ARHGEF7: variants seen among roughly 807,000 people sequenced by gnomAD.
ARHGEF7 encodes the protein Rho guanine nucleotide exchange factor 7.
In ARHGEF7, 33 loss-of-function variants were observed where a neutral mutation model predicts 109.8. That is an observed-to-expected ratio of 0.30 (90% confidence interval 0.23 to 0.40). The LOEUF (loss-of-function observed/expected upper bound fraction) is 0.40, where lower values mean the gene tolerates loss of function less well. ARHGEF7 is among the 10% of genes least tolerant of loss of function. The pLI is 1.00. For synonymous variants in ARHGEF7, 458 were observed against 424.6 expected, an observed-to-expected ratio of 1.08 and a Z score of -0.97; for missense variants, 938 against 1,098.5, an observed-to-expected ratio of 0.85 and a Z score of 2.07.
intron 8 of ARHGEF7, among the ~76,000 whole-genome samples, chr13:111,263,053 CCTT>C (rs2091272808): frequency 6.6e-6 from 1 of 152,168 alleles, no homozygotes; most frequent in Non-Finnish European, 1.5e-5. Context: ...AACATCCCCT[CCTT>C]TAATTCTGAA....
intron 6 of ARHGEF7, chr13:111,241,110 G>T: frequency 6.7e-7 from 1 of 1,501,778 alleles, no homozygotes; most frequent in East Asian, 2.5e-5. Context: ...GACTGCACTT[G>T]CCTCTCCATG....
intron 1 of ARHGEF7, among the ~76,000 whole-genome samples, chr13:111,141,309 C>T (rs944373347): frequency 3.9e-5 from 6 of 152,090 alleles, no homozygotes; most frequent in Admixed American, 1.3e-4. Context: ...CTAGTCATCC[C>T]TCCCTCAACT....
chr13:111,290,025 C>G (rs1161899755), intron 18 of ARHGEF7, among the ~76,000 whole-genome samples: 2 of 152,164 alleles, frequency 1.3e-5, no homozygotes, highest in African/African-American at 4.8e-5. Context: ...ACAATAACGT[C>G]TAAGTACAAA....
intron 1 of ARHGEF7, among the ~76,000 whole-genome samples, chr13:111,122,438 G>GTT (rs1404193071): frequency 4.7e-4 from 72 of 152,196 alleles, no homozygotes; most frequent in Non-Finnish European, 1.6e-4. Context: ...TAGGGTAGGA[G>GTT]AATTAATCTC....
At chr13:111,200,881 TC>T (rs1182016818) in intron 2 of ARHGEF7, among the ~76,000 whole-genome samples, 2 of 152,230 alleles carry the variant, frequency 1.3e-5, no homozygotes, top group Non-Finnish European at 2.9e-5. Flanking sequence ...AGACTTAATG[TC>T]TGGCTTTTGT....
chr13:111,129,998 G>C (rs1051244618), intron 1 of ARHGEF7, among the ~76,000 whole-genome samples: 2 of 152,182 alleles, frequency 1.3e-5, no homozygotes, highest in Admixed American at 6.5e-5. Flanking sequence ...TTGGTGAATA[G>C]ATAAACAGAT....
chr13:111,242,547 C>T (rs1284246968), intron 6 of ARHGEF7, among the ~76,000 whole-genome samples: 2 of 152,264 alleles, frequency 1.3e-5, no homozygotes, highest in Admixed American at 1.3e-4. Flanking sequence ...GTACTAGATG[C>T]GCAGAAAATA....
Position 111,274,732 on chromosome 13 carries a change from A to T in ARHGEF7, c.1214A>T (p.Asp405Val). Residue 405 changes from aspartate (D) to valine (V), a missense_variant and splice_region_variant, in exon 11 of 22, where the codon GAT becomes GTT. Coordinates refer to ENST00000646102, the MANE Select transcript of ARHGEF7 (RefSeq NM_001354046.2). ...LLKELERHME[D>V]YHTDRQDIQK... ...ATTGTATGTTTCTTTTACTCAAAGG[A>T]TTATCATACAGATAGACAAGATATT... 6.7e-7 allele frequency: 1 copy of T among 1,482,702 alleles called. No individual in the cohort carries two copies. The allele number at this position is 1,482,702 out of a possible 1,614,324, so 91.8% of individuals were successfully genotyped here.
chr13:111,187,087 G>T (rs2079341251), intron 2 of ARHGEF7: 3 of 891,290 alleles, frequency 3.4e-6, no homozygotes, highest in East Asian at 1.2e-4. Context: ...GAGCTGGTCA[G>T]TGTGTCCTTT....
At chr13:111,287,150 T>G (rs989642824) in intron 17 of ARHGEF7, among the ~76,000 whole-genome samples, 2 of 152,222 alleles carry the variant, frequency 1.3e-5, no homozygotes, top group Admixed American at 6.5e-5. Flanking sequence ...TTTCTTGTCC[T>G]TGTCACCTGA....
rs1048530939 is a variant in ARHGEF7 at position 111,303,182 on chromosome 13, G to A, written c.*69G>A. On this transcript the variant is annotated 3_prime_UTR_variant, in exon 22 of 22. Transcript: ENST00000646102. ...AAGCTGGGCACCCCTGACCCAAGTC[G>A]GGGTGCACTCAGGACCACAGGGCAG... 9 of 1,412,240 alleles carry A rather than the reference G, an allele frequency of 6.4e-6. No homozygotes were observed. Among genetic ancestry groups the A allele is most frequent in the Admixed American group, 2.2e-5 (1 of 46,026 alleles). 87.5% of individuals were successfully genotyped at this position (1,412,240 alleles called of 1,614,324 possible).
rs568810663 is a variant in ARHGEF7 at position 111,303,261 on chromosome 13, C to G, written c.*148C>G. On this transcript the variant is annotated 3_prime_UTR_variant, in exon 22 of 22. Coordinates refer to ENST00000646102, the MANE Select transcript of ARHGEF7 (RefSeq NM_001354046.2). ...GTATATAGAAAAGCTGGAGCTTATT[C>G]TGCGAATGGAGACGATCAAACCATG... 1.4e-6 allele frequency: 1 copy of G among 730,272 alleles called. No homozygotes were observed. Among genetic ancestry groups the G allele is most frequent in the Non-Finnish European group, 2.1e-6 (1 of 470,286 alleles). The allele number at this position is 730,272 out of a possible 1,614,324, so 45.2% of individuals were successfully genotyped here.
intron 15 of ARHGEF7, among the ~76,000 whole-genome samples, chr13:111,281,349 T>C (rs751093601): frequency 6.6e-6 from 1 of 152,146 alleles, no homozygotes; most frequent in African/African-American, 2.4e-5. Context: ...GCAGAGCTTT[T>C]AAAGAATGAA....
intron 8 of ARHGEF7, among the ~76,000 whole-genome samples, chr13:111,263,318 G>C (rs1258101568): frequency 6.6e-6 from 1 of 152,216 alleles, no homozygotes; most frequent in Non-Finnish European, 1.5e-5. Flanking sequence ...TAAAAATCTA[G>C]AGCCTAGGCT....
chr13:111,290,104 A>C (rs2093214008), intron 18 of ARHGEF7, among the ~76,000 whole-genome samples: 1 of 152,224 alleles, frequency 6.6e-6, no homozygotes, highest in African/African-American at 2.4e-5. Context: ...TAGGCTGTAA[A>C]ATGTGGCCAT....
chr13:111,199,820 A>G (rs1169184373), intron 2 of ARHGEF7, among the ~76,000 whole-genome samples: 2 of 152,162 alleles, frequency 1.3e-5, no homozygotes, highest in Non-Finnish European at 2.9e-5. Flanking sequence ...GGTGCCCAGG[A>G]ACAATCAGCC....
At chr13:111,251,449 A>G (rs2089761851) in intron 8 of ARHGEF7, among the ~76,000 whole-genome samples, 1 of 152,162 alleles carries the variant, frequency 6.6e-6, no homozygotes, top group African/African-American at 2.4e-5. Flanking sequence ...GCTTGGCAGT[A>G]TCATAGTCGG....
chr13:111,186,740 C>G (rs1448503287), intron 2 of ARHGEF7: 1 of 838,702 alleles, frequency 1.2e-6, no homozygotes, highest in Non-Finnish European at 1.4e-6. Flanking sequence ...ATAACTTTCT[C>G]AAGTTCCTGG....
At chr13:111,119,357 T>C (rs1388385313) in intron 1 of ARHGEF7, among the ~76,000 whole-genome samples, 1 of 152,208 alleles carries the variant, frequency 6.6e-6, no homozygotes, top group South Asian at 2.1e-4. Flanking sequence ...TCATGACAGG[T>C]TGTTTCTACA....
Sources: gnomAD v4.1 joint callset for allele counts (sites outside exome capture counted in the v4.1 genomes callset) on GRCh38, gnomAD v4.1.1 for gene constraint, MANE v1.5 for transcripts, NCBI Gene and HGNC (gene_info 2026-07-23, HGNC 2026-07-21) for gene names.